The following PKD1L3 variants were observed in gnomAD, a reference collection of about 807,000 sequenced individuals.
PKD1L3 encodes polycystin-1-like protein 3.
A neutral mutation model predicts 184.1 loss-of-function variants in PKD1L3; 239 were observed. The ratio of observed to expected loss-of-function variants is 1.30; its 90% CI spans 1.17 to 1.45. The LOEUF (loss-of-function observed/expected upper bound fraction) is 1.45. Among genes scored for constraint, PKD1L3 ranks in the 40% most tolerant of loss-of-function variants. The pLI is 0.00. For synonymous variants in PKD1L3, 996 were observed against 778.8 expected, an observed-to-expected ratio of 1.28 and a Z score of -4.64; for missense variants, 2,660 against 2,067.2, an observed-to-expected ratio of 1.29 and a Z score of -5.56.
At chr16:71,989,106 A>G (rs1420442369) in intron 4 of PKD1L3, among the ~76,000 whole-genome samples, 1 of 152,162 alleles carries the variant, frequency 6.6e-6, no homozygotes, top group African/African-American at 2.4e-5. Flanking sequence ...TTCAAGGGCT[A>G]GTGGTTGTTG....
At chr16:71,981,108 A>T (rs1340371829) in intron 7 of PKD1L3, among the ~76,000 whole-genome samples, 1 of 152,194 alleles carries the variant, frequency 6.6e-6, no homozygotes, top group Non-Finnish European at 1.5e-5. Context: ...ACCAGATTCT[A>T]CTTAGCCATC....
Position 71,942,868 on chromosome 16 carries a change from A to C in PKD1L3, c.4016T>G (p.Leu1339Arg). Residue 1339 changes from leucine (L) to arginine (R), a missense_variant, in exon 24 of 30, where the codon CTT becomes CGT. Leu to Arg is a moderately radical substitution (Grantham distance 102). Transcript: ENST00000620267. ...QDFYPWANHILLPSLYGDYRG... is the reference protein window; with the variant it reads ...QDFYPWANHIRLPSLYGDYRG... Reference sequence around the variant, plus strand: ...GTAATCCCCATACAGGCTAGGAAGAAGGATATGATTGGCCCAGGGGTAGAA... The same window carrying C: ...GTAATCCCCATACAGGCTAGGAAGACGGATATGATTGGCCCAGGGGTAGAA... The C allele has an allele frequency of 6.4e-7, 1 of 1,551,690 alleles. No homozygotes were observed. The highest frequency in any genetic ancestry group is 8.7e-7 in the Non-Finnish European group (1 of 1,146,978).
At chr16:71,981,588 C>T (rs934354541) in intron 7 of PKD1L3, among the ~76,000 whole-genome samples, 2 of 136,220 alleles carry the variant, frequency 1.5e-5, no homozygotes, top group East Asian at 4.4e-4. Context: ...GTTGTCTGGG[C>T]TGTGTGCAGT....
Position 71,954,263 on chromosome 16 carries a change from T to C in PKD1L3, c.2651A>G (p.Gln884Arg), listed in dbSNP as rs1020620819. ...TGCAATTGAAAGCCACAGATAATCC[T>C]GGGTGAACTTTTCCACAATCATGGA... ...FSSMIVEKFT[Q>R]DYLWLSIATR... is the part of the protein sequence containing the mutation. Residue 884 changes from glutamine (Q) to arginine (R), a missense_variant, in exon 17 of 30, where the codon CAG (glutamine) becomes CGG (arginine). Gln to Arg is a conservative substitution (Grantham distance 43, BLOSUM62 1). Coordinates refer to ENST00000620267, the MANE Select transcript of PKD1L3 (RefSeq NM_181536.2). 3 of 1,547,242 alleles carry C rather than the reference T, an allele frequency of 1.9e-6. No individual in the cohort carries two copies. The highest frequency in any genetic ancestry group is 2.6e-6 in the Non-Finnish European group (3 of 1,145,550).
intron 16 of PKD1L3, among the ~76,000 whole-genome samples, chr16:71,956,971 G>C (rs749938161): frequency 2.0e-5 from 3 of 152,154 alleles, no homozygotes; most frequent in Non-Finnish European, 4.4e-5. Context: ...TAATTTGTAT[G>C]ACAACAATAG....
intron 28 of PKD1L3, 108 bp from the exon 29 acceptor site, chr16:71,930,291 G>A (rs1435295189): frequency 3.4e-6 from 4 of 1,179,260 alleles, no homozygotes; most frequent in Admixed American, 3.3e-5. Flanking sequence ...AAGCTTATCC[G>A]AAGGAAACTT....
intron 3 of PKD1L3, chr16:71,991,038 G>A (rs2040570045): frequency 6.6e-6 from 1 of 152,388 alleles, no homozygotes; most frequent in Non-Finnish European, 1.5e-5. Flanking sequence ...AGTAAAAAAT[G>A]CCTGAACATA....
rs1442824943 is a variant in PKD1L3 at position 71,977,226 on chromosome 16, T to C, written c.1759+10A>G. The C allele has an allele frequency of 1.5e-5, 22 of 1,493,210 alleles. No individual in the cohort carries two copies. The highest frequency in any genetic ancestry group is 1.9e-5 in the Non-Finnish European group (21 of 1,094,126). 92.5% of individuals were successfully genotyped at this position (1,493,210 alleles called of 1,614,324 possible). ...TCAAAGTAAGTTTCTGACAGCTGAT[T>C]GGGTTTTACCTTTTTGCCACACCTT... On this transcript the variant is annotated intron_variant, in intron 11 of 29. Transcript: ENST00000620267.
chr16:71,999,009 C>T (rs1357542249), intron 1 of PKD1L3, among the ~76,000 whole-genome samples: 1 of 152,080 alleles, frequency 6.6e-6, no homozygotes, highest in Non-Finnish European at 1.5e-5. Flanking sequence ...CGGTGGCTCA[C>T]GCCTGTAATC....
intron 16 of PKD1L3, among the ~76,000 whole-genome samples, chr16:71,960,161 G>C (rs1446089296): frequency 6.9e-6 from 1 of 145,898 alleles, no homozygotes; most frequent in Non-Finnish European, 1.5e-5. Context: ...AAGAGGCAGA[G>C]AACCTTAAAA....
In PKD1L3 at chr16:71,977,335, G is replaced by A. The variant is rs1448837336; in HGVS notation, c.1660C>T (p.Pro554Ser). The A allele has an allele frequency of 4.5e-6, 7 of 1,547,022 alleles. No individual in the cohort carries two copies. The highest frequency in any genetic ancestry group is 1.7e-4 in the Middle Eastern group (1 of 5,982). Residue 554 changes from proline to serine, a missense_variant, in exon 11 of 30, where the codon CCC becomes TCC. Physicochemically the swap from Pro to Ser is moderately conservative, Grantham distance 74. Coordinates refer to ENST00000620267, the MANE Select transcript of PKD1L3 (RefSeq NM_181536.2). ...CCCAGGTAGAGTGTCATTAAAAGGGGACTGTCAGGATCTATGCTCACTATC... is the reference window on the plus strand; with the variant it reads ...CCCAGGTAGAGTGTCATTAAAAGGGAACTGTCAGGATCTATGCTCACTATC... The part of the protein sequence containing the change: ...SLIVSIDPDS[P>S]LLMTLYLGFQ...
At position 71,998,337 on chromosome 16, in the gene PKD1L3, T is replaced by A; in HGVS notation, c.353A>T (p.Asn118Ile). ...KPLSCTYLSR[N>I]FIRISSKGDK... ...CCCTTTGGATGAGATCCGAATGAAG[T>A]TTCTGGACAGGTAGGTGCAGCTGAG... The change falls in exon 2 of 30, where the codon AAC becomes ATC. Residue 118 changes from asparagine to isoleucine, a missense_variant. By Grantham distance (149) the Asn-to-Ile change is moderately radical. Coordinates refer to ENST00000620267, the MANE Select transcript of PKD1L3 (RefSeq NM_181536.2). The A allele has an allele frequency of 6.4e-7, 1 of 1,552,050 alleles. No individual in the cohort carries two copies. The highest frequency in any genetic ancestry group is 8.7e-7 in the Non-Finnish European group (1 of 1,147,076).
intron 6 of PKD1L3, 44 bp from the exon 7 acceptor site, chr16:71,982,279 T>TTC: frequency 7.5e-6 from 1 of 133,058 alleles, no homozygotes; most frequent in Non-Finnish European, 1.2e-5. Context: ...AATTGTTTGC[T>TTC]TTTTTTTTTT....
intron 4 of PKD1L3, among the ~76,000 whole-genome samples, chr16:71,987,514 A>C (rs1241591185): frequency 6.6e-6 from 1 of 152,092 alleles, no homozygotes; most frequent in Admixed American, 6.5e-5. Flanking sequence ...CTGGGACTAC[A>C]GGACCACATC....
At chr16:71,978,983 A>T (rs117077454) in intron 9 of PKD1L3, among the ~76,000 whole-genome samples, 2 of 152,214 alleles carry the variant, frequency 1.3e-5, no homozygotes, top group Admixed American at 6.5e-5. Context: ...TTTAATCTTT[A>T]TATCTAGAGG....
intron 16 of PKD1L3, among the ~76,000 whole-genome samples, chr16:71,958,370 G>A (rs577963043): frequency 1.7e-4 from 23 of 133,134 alleles, no homozygotes; most frequent in African/African-American, 5.6e-4. Context: ...CTGGGCGACA[G>A]AGCGAGACTC....
chr16:71,962,000 C>T (rs1054371930), intron 16 of PKD1L3, among the ~76,000 whole-genome samples: 1 of 152,190 alleles, frequency 6.6e-6, no homozygotes, highest in African/African-American at 2.4e-5. Flanking sequence ...TCTCGGCTCA[C>T]TGCAACTTCC....
rs2039538084 is a variant in PKD1L3 at position 71,967,306 on chromosome 16, T to TCACTCCGTCCCTCCATCCATA, written c.2295_2296insTATGGATGGAGGGACGGAGTG (p.Ile765_Thr766insTyrGlyTrpArgAspGlyVal). On this transcript the variant is annotated inframe_insertion, in exon 15 of 30. Coordinates refer to ENST00000620267, the MANE Select transcript of PKD1L3 (RefSeq NM_181536.2). ...CTCCGTCCCTCTGATCCATAGAGGG[T>TCACTCCGTCCCTCCATCCATA]GATGACAACCTACAATGAGACAGGG... The TCACTCCGTCCCTCCATCCATA allele has an allele frequency of 1.3e-6, 2 of 1,549,974 alleles. No individual in the cohort carries two copies. The highest frequency in any genetic ancestry group is 1.7e-6 in the Non-Finnish European group (2 of 1,146,324).
intron 28 of PKD1L3, chr16:71,931,062 C>T (rs958381387): frequency 2.7e-5 from 4 of 149,960 alleles, no homozygotes; most frequent in Non-Finnish European, 4.5e-5. Context: ...TTTTTATGTA[C>T]AATTTTACTG....
Sources: gnomAD v4.1 joint callset for allele counts (sites outside exome capture counted in the v4.1 genomes callset) on GRCh38, gnomAD v4.1.1 for gene constraint, MANE v1.5 for transcripts, NCBI Gene and HGNC (gene_info 2026-07-23, HGNC 2026-07-21) for gene names.